Variants in KPNA3 observed in about 807,000 individuals in gnomAD.
The protein encoded by KPNA3 is importin subunit alpha-4.
Under a neutral mutation model 73.8 loss-of-function variants are expected in KPNA3, and 13 were observed. That is an observed-to-expected ratio of 0.18 (90% CI 0.11 to 0.28). The LOEUF (loss-of-function observed/expected upper bound fraction) is 0.28, where lower values mean the gene tolerates loss of function less well. KPNA3 is among the 10% of genes least tolerant of loss of function. KPNA3 has a pLI of 1.00. For missense variants in KPNA3, 360 were observed against 618.1 expected (o/e 0.58, Z 4.43); for synonymous variants, 186 against 206.9 (o/e 0.90, Z 0.87).
intron 2 of KPNA3, among the ~76,000 whole-genome samples, chr13:49,736,330 T>C (rs760864632): frequency 2.6e-5 from 4 of 152,198 alleles, no homozygotes; most frequent in Non-Finnish European, 5.9e-5. Context: ...GGGCACTCTG[T>C]TCAGTGTGTT....
chr13:49,768,562 A>T (rs1000229935), intron 1 of KPNA3, among the ~76,000 whole-genome samples: 1 of 111,976 alleles, frequency 8.9e-6, no homozygotes, highest in African/African-American at 3.4e-5. Context: ...CATTTGGGTT[A>T]ATCAATTTTT....
chr13:49,707,578 C>A (rs1954219765), intron 12 of KPNA3, among the ~76,000 whole-genome samples: 1 of 4,160 alleles, frequency 2.4e-4, no homozygotes, highest in South Asian at 0.022. Context: ...TTTCCTCTAC[C>A]CCCCACGATA....
At chr13:49,756,113 G>A (rs1366496893) in intron 1 of KPNA3, among the ~76,000 whole-genome samples, 2 of 151,884 alleles carry the variant, frequency 1.3e-5, no homozygotes, top group Non-Finnish European at 2.9e-5. Flanking sequence ...ACAAAAAAAA[G>A]CAAAAAAAAA....
intron 2 of KPNA3, among the ~76,000 whole-genome samples, chr13:49,745,917 G>C (rs999564315): frequency 2.0e-5 from 3 of 151,468 alleles, no homozygotes; most frequent in African/African-American, 7.3e-5. Context: ...CAAAAAATTA[G>C]CCGGACGAGG....
chr13:49,750,028 T>C (rs1954648932), intron 1 of KPNA3, among the ~76,000 whole-genome samples: 1 of 152,214 alleles, frequency 6.6e-6, no homozygotes, highest in Non-Finnish European at 1.5e-5. Context: ...CTCCCAAGTA[T>C]CTATTTTTAG....
At chr13:49,743,870 A>T (rs1230634025) in intron 2 of KPNA3, among the ~76,000 whole-genome samples, 2 of 152,208 alleles carry the variant, frequency 1.3e-5, no homozygotes, top group Admixed American at 1.3e-4. Flanking sequence ...CTGGTGGCAG[A>T]TGGTGTAATG....
rs1348224162 is a variant in KPNA3 at position 49,721,960 on chromosome 13, G to C, written c.721C>G (p.Gln241Glu). The change falls in exon 9 of 17, where the codon CAG becomes GAG. Residue 241 changes from glutamine (Q) to glutamate (E), a missense_variant. This residue lies in a region of KPNA3 where 287 missense variants were observed against 549.1 expected (regional missense o/e 0.52). Transcript: ENST00000261667. Reference protein sequence around the residue: ...KDPPPPMETVQEILPALCVLI... With the variant: ...KDPPPPMETVEEILPALCVLI... ...CTTTACAATTCTTCATTTACCTCCT[G>C]AACTGTCTCCATAGGCGGCGGGGGA... 5 of 1,570,728 alleles carry C rather than the reference G, an allele frequency of 3.2e-6. No homozygotes were observed. The highest frequency in any genetic ancestry group is 4.3e-6 in the Non-Finnish European group (5 of 1,159,288).
At chr13:49,725,778 A>G (rs1954404104) in intron 6 of KPNA3, among the ~76,000 whole-genome samples, 2 of 151,740 alleles carry the variant, frequency 1.3e-5, no homozygotes, top group Admixed American at 1.3e-4. Flanking sequence ...AGTAGCTGGG[A>G]TTACAGGTGC....
intron 6 of KPNA3, among the ~76,000 whole-genome samples, chr13:49,725,817 C>A (rs187344574): frequency 5.3e-5 from 8 of 152,090 alleles, no homozygotes; most frequent in Middle Eastern, 3.4e-3. Flanking sequence ...CATTTTTGTA[C>A]TTTTAGTAGA....
intron 11 of KPNA3, among the ~76,000 whole-genome samples, chr13:49,710,036 G>C (rs1954245689): frequency 6.6e-6 from 1 of 152,290 alleles, no homozygotes; most frequent in African/African-American, 2.4e-5. Context: ...CCGAGGCGGG[G>C]GGGATCACCT....
intron 1 of KPNA3, among the ~76,000 whole-genome samples, chr13:49,761,179 A>G (rs1036985573): frequency 1.3e-5 from 2 of 152,094 alleles, no homozygotes; most frequent in African/African-American, 2.4e-5. Context: ...CTGATGTCAT[A>G]TAAGTAGTAG....
chr13:49,785,717 G>C (rs1954976888), intron 1 of KPNA3, among the ~76,000 whole-genome samples: 1 of 151,332 alleles, frequency 6.6e-6, no homozygotes. Context: ...TACTCCAAGA[G>C]AACCAGGAAG....
chr13:49,776,301 A>C (rs954101476), intron 1 of KPNA3, among the ~76,000 whole-genome samples: 6 of 152,194 alleles, frequency 3.9e-5, no homozygotes, highest in Non-Finnish European at 8.8e-5. Flanking sequence ...GATAACTGAA[A>C]ACCACACTGT....
At chr13:49,718,925 CACACATAT>C (rs1284888629) in intron 10 of KPNA3, among the ~76,000 whole-genome samples, 1 of 152,022 alleles carries the variant, frequency 6.6e-6, no homozygotes, top group African/African-American at 2.4e-5. Flanking sequence ...ACAATTCTGC[CACACATAT>C]ACACATATGT....
At chr13:49,772,523 CT>C (rs1211943029) in intron 1 of KPNA3, among the ~76,000 whole-genome samples, 1 of 152,192 alleles carries the variant, frequency 6.6e-6, no homozygotes, top group East Asian at 1.9e-4. Context: ...TACTGTTGGG[CT>C]GGGCACAGTG....
At chr13:49,773,181 AAGC>A in intron 1 of KPNA3, among the ~76,000 whole-genome samples, 1 of 152,330 alleles carries the variant, frequency 6.6e-6, no homozygotes, top group African/African-American at 2.4e-5. Context: ...CAATGAAAGA[AAGC>A]AGATTAATAT....
intron 6 of KPNA3, among the ~76,000 whole-genome samples, chr13:49,728,769 A>C (rs908010925): frequency 6.6e-6 from 1 of 152,252 alleles, no homozygotes; most frequent in African/African-American, 2.4e-5. Flanking sequence ...CCAAAGCTTT[A>C]GCAGAAAAAA....
intron 6 of KPNA3, among the ~76,000 whole-genome samples, chr13:49,728,486 G>A (rs1037872049): frequency 2.6e-5 from 4 of 152,116 alleles, no homozygotes; most frequent in Admixed American, 2.0e-4. Context: ...CAGATAAGCC[G>A]TAGACAACAG....
At chr13:49,745,541 G>A (rs1353457228) in intron 2 of KPNA3, among the ~76,000 whole-genome samples, 1 of 151,676 alleles carries the variant, frequency 6.6e-6, no homozygotes, top group African/African-American at 2.4e-5. Flanking sequence ...TGTATTTTTA[G>A]TAGACAGGGT....
Sources: gnomAD v4.1 joint callset for allele counts (sites outside exome capture counted in the v4.1 genomes callset) on GRCh38, gnomAD v4.1.1 for gene constraint, gnomAD v4.1.1 regional missense constraint, MANE v1.5 for transcripts, NCBI Gene and HGNC (gene_info 2026-07-23, HGNC 2026-07-21) for gene names.